The following SIL1 variants were observed in gnomAD, a reference collection of about 807,000 sequenced individuals.
SIL1 encodes the protein nucleotide exchange factor SIL1.
Under a neutral mutation model 49.1 loss-of-function variants are expected in SIL1, and 40 were observed. The observed-to-expected ratio is 0.81, with a 90% CI of 0.63 to 1.06. SIL1 has a LOEUF of 1.06. SIL1 is among the 50% of genes least tolerant of loss of function. SIL1 has a pLI of 0.00. For synonymous variants in SIL1, 253 were observed against 250.8 expected (o/e 1.01, Z -0.08); for missense variants, 500 against 572.6 (o/e 0.87, Z 1.29).
chr5:139,154,709 C>G (rs1751374459), intron 1 of SIL1, among the ~76,000 whole-genome samples: 1 of 152,176 alleles, frequency 6.6e-6, no homozygotes, highest in Admixed American at 6.5e-5. Context: ...CCAGGGAGAC[C>G]TTTACTCCAG....
At chr5:139,166,973 TA>T (rs1751636594) in intron 1 of SIL1, among the ~76,000 whole-genome samples, 1 of 151,490 alleles carries the variant, frequency 6.6e-6, no homozygotes, top group South Asian at 2.1e-4. Flanking sequence ...CACGCCCGGC[TA>T]ATTATTTTTT....
chr5:139,176,599 C>A (rs1473979152), intron 1 of SIL1, among the ~76,000 whole-genome samples: 1 of 152,132 alleles, frequency 6.6e-6, no homozygotes, highest in African/African-American at 2.4e-5. Flanking sequence ...GAACAAGATG[C>A]CAACAGATTC....
intron 1 of SIL1, among the ~76,000 whole-genome samples, chr5:139,168,362 C>T (rs1181524765): frequency 2.0e-5 from 3 of 152,230 alleles, no homozygotes; most frequent in Admixed American, 6.5e-5. Flanking sequence ...AATTTCAACT[C>T]TTAGCAGAGT....
At chr5:139,032,178 T>A (rs1768808581) in intron 5 of SIL1, among the ~76,000 whole-genome samples, 1 of 152,242 alleles carries the variant, frequency 6.6e-6, no homozygotes, top group Admixed American at 6.5e-5. Context: ...AAGTATTCAG[T>A]CTTTCACTGT....
chr5:139,119,339 T>C (rs1057424407), intron 3 of SIL1, among the ~76,000 whole-genome samples: 6 of 152,260 alleles, frequency 3.9e-5, no homozygotes, highest in African/African-American at 1.4e-4. Flanking sequence ...CATCGTTCAG[T>C]CTGCAACATG....
At chr5:139,031,827 T>C (rs1202384732) in intron 5 of SIL1, among the ~76,000 whole-genome samples, 1 of 152,254 alleles carries the variant, frequency 6.6e-6, no homozygotes, top group East Asian at 1.9e-4. Context: ...ATAGATCTTA[T>C]ATCTGTCTTG....
At chr5:139,023,992 G>A (rs1768588213) in intron 6 of SIL1, among the ~76,000 whole-genome samples, 1 of 152,176 alleles carries the variant, frequency 6.6e-6, no homozygotes, top group Admixed American at 6.5e-5. Context: ...AGCAGAATGG[G>A]GATGTCACCT....
At chr5:138,963,874 G>A (rs547193478) in intron 7 of SIL1, among the ~76,000 whole-genome samples, 4 of 152,170 alleles carry the variant, frequency 2.6e-5, no homozygotes, top group Admixed American at 6.5e-5. Flanking sequence ...TCCTAGGCCT[G>A]GCCACTTGGC....
chr5:139,079,681 G>A (rs1428801651), intron 3 of SIL1, among the ~76,000 whole-genome samples: 3 of 152,154 alleles, frequency 2.0e-5, no homozygotes, highest in Admixed American at 6.5e-5. Flanking sequence ...GCTGCAAATA[G>A]AACAAAATGG....
intron 7 of SIL1, among the ~76,000 whole-genome samples, chr5:138,999,913 T>C (rs2150411075): frequency 6.6e-6 from 1 of 152,286 alleles, no homozygotes; most frequent in East Asian, 1.9e-4. Context: ...AAAGTTCACT[T>C]TGTCTAAACT....
chr5:139,021,280 G>A lies in SIL1; in HGVS notation c.658C>T (p.Gln220Ter), dbSNP rs745452168. Reference protein sequence around the residue: ...EYYVHQMDNAQDLLSFGGLQV... With the variant: ...EYYVHQMDNA ...AGACCACCAAAGGAAAGCAGGTCCT[G>A]CGCATTGTCCATCTGCAACAGAGCC... is the stretch of plus-strand genomic sequence containing the variant. Residue 220 changes from glutamine to a stop codon, truncating the protein, a stop_gained, in exon 7 of 10, where the codon CAG becomes TAG. Transcript: ENST00000394817. LOFTEE classifies it high-confidence loss of function. The A allele has an allele frequency of 1.2e-6, 2 of 1,614,030 alleles. No homozygotes were observed. Among genetic ancestry groups the A allele is most frequent in the South Asian group, 1.1e-5 (1 of 91,080 alleles).
intron 3 of SIL1, among the ~76,000 whole-genome samples, chr5:139,065,403 G>A (rs528145213): frequency 1.3e-5 from 2 of 152,300 alleles, no homozygotes; most frequent in South Asian, 2.1e-4. Context: ...GAGCACAACT[G>A]CCAGCTGGCA....
At chr5:138,963,736 A>T (rs1767073719) in intron 7 of SIL1, among the ~76,000 whole-genome samples, 1 of 152,254 alleles carries the variant, frequency 6.6e-6, no homozygotes, top group African/African-American at 2.4e-5. Context: ...ATCTTTAAGA[A>T]CAATTAGTTC....
chr5:139,115,480 C>A (rs1227723750), intron 3 of SIL1, among the ~76,000 whole-genome samples: 1 of 152,108 alleles, frequency 6.6e-6, no homozygotes, highest in Non-Finnish European at 1.5e-5. Flanking sequence ...AGCCCCAGCC[C>A]CACTCTGACC....
chr5:139,095,265 C>CTTTT (rs1172866470), intron 3 of SIL1, among the ~76,000 whole-genome samples: 4 of 131,834 alleles, frequency 3.0e-5, no homozygotes, highest in South Asian at 2.4e-4. Flanking sequence ...TATTGGAATT[C>CTTTT]TTTTTTTTTT....
chr5:139,096,603 T>C (rs1950595354), intron 3 of SIL1, among the ~76,000 whole-genome samples: 1 of 151,496 alleles, frequency 6.6e-6, no homozygotes, highest in South Asian at 2.1e-4. Context: ...ATCTTGCATC[T>C]TGAATACCGG....
intron 1 of SIL1, among the ~76,000 whole-genome samples, chr5:139,167,404 T>C (rs529195581): frequency 2.6e-5 from 4 of 152,344 alleles, no homozygotes; most frequent in East Asian, 3.9e-4. Context: ...AATGTGAAGA[T>C]AGAAGACAGT....
intron 7 of SIL1, among the ~76,000 whole-genome samples, chr5:138,973,722 G>A (rs1767334664): frequency 6.6e-6 from 1 of 151,950 alleles, no homozygotes; most frequent in African/African-American, 2.4e-5. Flanking sequence ...GGGACTACAA[G>A]TGTGAGCCAC....
In SIL1 at chr5:139,026,009, C is replaced by T. The variant is rs530246080; in HGVS notation, c.645+792G>A. ...GTTTGCCATCCCCTGCTCTAGTCCC[C>T]CCTCTTCACCCAGCCAACCCCAATC... On this transcript the variant is annotated intron_variant, in intron 6 of 9. Coordinates refer to ENST00000394817, the MANE Select transcript of SIL1 (RefSeq NM_022464.5). 9.9e-5 allele frequency among the ~76,000 whole-genome samples: 15 copies of T among 152,260 alleles called. No individual in the cohort carries two copies. In the East Asian group the frequency reaches 2.7e-3, roughly 27 times the overall value.
Sources: allele counts gnomAD v4.1 joint callset (sites outside exome capture counted in the v4.1 genomes callset), GRCh38; gene constraint gnomAD v4.1.1; transcripts MANE v1.5; gene names NCBI Gene and HGNC (gene_info 2026-07-23, HGNC 2026-07-21).